Variants in RARS2 observed in about 807,000 individuals in gnomAD.
RARS2 encodes arginyl-tRNA synthetase 2, mitochondrial.
RARS2 carries 67 observed loss-of-function variants against 88.5 expected under a neutral mutation model. The ratio of observed to expected loss-of-function variants is 0.76; its 90% CI spans 0.62 to 0.93. RARS2 has a LOEUF of 0.93. Among genes scored for constraint, RARS2 ranks in the 40% least tolerant of loss-of-function variants. The pLI, the probability that RARS2 is intolerant of heterozygous loss-of-function variation, is 0.00. For synonymous variants in RARS2, 239 were observed against 230.3 expected (o/e 1.04, Z -0.34); for missense variants, 664 against 684.2 (o/e 0.97, Z 0.33).
intron 4 of RARS2, among the ~76,000 whole-genome samples, chr6:87,561,001 T>C (rs1283633076): frequency 6.6e-6 from 1 of 152,368 alleles, no homozygotes; most frequent in Non-Finnish European, 1.5e-5. Flanking sequence ...GTACAGTACA[T>C]AATACTTCAT....
chr6:87,518,070 A>G, intron 17 of RARS2, 99 bp downstream of exon 17: 1 of 1,607,550 alleles, frequency 6.2e-7, no homozygotes, highest in Admixed American at 1.7e-5. Flanking sequence ...TAGAGGCAGA[A>G]GGCAGCTACT....
chr6:87,554,178 G>C (rs556464762), intron 5 of RARS2, among the ~76,000 whole-genome samples: 1 of 152,236 alleles, frequency 6.6e-6, no homozygotes, highest in Non-Finnish European at 1.5e-5. Context: ...AGTCCATCAA[G>C]ACTGTTCTTC....
intron 8 of RARS2, among the ~76,000 whole-genome samples, chr6:87,537,341 G>A (rs1294800321): frequency 1.3e-5 from 2 of 152,196 alleles, no homozygotes; most frequent in African/African-American, 4.8e-5. Context: ...TCTATAGTGG[G>A]GGTGTGGGGA....
At chr6:87,554,466 A>ATT (rs1785194755) in intron 5 of RARS2, among the ~76,000 whole-genome samples, 2 of 152,142 alleles carry the variant, frequency 1.3e-5, no homozygotes, top group Admixed American at 1.3e-4. Context: ...TACTTAAAAA[A>ATT]ATTTTTTTTG....
chr6:87,589,681 G>C, intron 1 of RARS2: 1 of 985,326 alleles, frequency 1.0e-6, no homozygotes, highest in Non-Finnish European at 1.2e-6. Context: ...GTGGGAAGGA[G>C]AGAAGAAAGC....
chr6:87,535,401 T>C (rs1034516700), intron 8 of RARS2, among the ~76,000 whole-genome samples: 6 of 152,192 alleles, frequency 3.9e-5, no homozygotes, highest in African/African-American at 1.4e-4. Context: ...CAAGTAAACA[T>C]TATCACTCAT....
chr6:87,518,511 C>A, intron 16 of RARS2, 119 bp downstream of exon 16: 1 of 1,291,340 alleles, frequency 7.7e-7, no homozygotes, highest in South Asian at 1.3e-5. Flanking sequence ...CTACTCTAGT[C>A]AGATGTGAAT....
intron 12 of RARS2, among the ~76,000 whole-genome samples, chr6:87,521,151 A>C (rs1054285384): frequency 9.2e-5 from 14 of 152,258 alleles, no homozygotes; most frequent in Non-Finnish European, 2.1e-4. Context: ...AAATAAAGTT[A>C]TTTAAAAACA....
intron 3 of RARS2, among the ~76,000 whole-genome samples, chr6:87,563,664 T>A (rs1373725487): frequency 1.3e-5 from 2 of 152,226 alleles, no homozygotes; most frequent in Non-Finnish European, 2.9e-5. Context: ...ATCAAACCCA[T>A]CAGAGAACTT....
At chr6:87,547,058 T>C (rs1323797808) in intron 6 of RARS2, among the ~76,000 whole-genome samples, 1 of 152,186 alleles carries the variant, frequency 6.6e-6, no homozygotes, top group East Asian at 1.9e-4. Context: ...AATTTCTTCA[T>C]CCATAAACCA....
intron 8 of RARS2, among the ~76,000 whole-genome samples, chr6:87,532,855 A>G (rs898829435): frequency 1.3e-5 from 2 of 152,216 alleles, no homozygotes; most frequent in Non-Finnish European, 2.9e-5. Context: ...TAGAAAACAA[A>G]GAAGACTTTG....
chr6:87,539,624 T>G (rs1780277883), intron 8 of RARS2, among the ~76,000 whole-genome samples: 3 of 152,166 alleles, frequency 2.0e-5, no homozygotes, highest in Non-Finnish European at 4.4e-5. Context: ...TCGGGACAAA[T>G]ACAGAATGTG....
intron 7 of RARS2, among the ~76,000 whole-genome samples, chr6:87,542,970 A>T (rs993031447): frequency 1.1e-4 from 14 of 123,352 alleles, no homozygotes; most frequent in South Asian, 6.8e-4. Flanking sequence ...ATAAAATAAT[A>T]AAAAAAAAAA....
intron 4 of RARS2, among the ~76,000 whole-genome samples, chr6:87,556,577 G>C (rs1389292256): frequency 6.6e-6 from 1 of 151,894 alleles, no homozygotes; most frequent in Non-Finnish European, 1.5e-5. Flanking sequence ...ACGAGGTCAG[G>C]AGATTGAGAC....
At chr6:87,521,361 C>T (rs1407176868) in intron 12 of RARS2, 103 bp downstream of exon 12, 2 of 900,582 alleles carry the variant, frequency 2.2e-6, no homozygotes, top group Non-Finnish European at 3.6e-6. Flanking sequence ...TTAATGTTGA[C>T]TTCTCTCTGT....
chr6:87,516,405 TAA>T (rs1771755169), intron 18 of RARS2, among the ~76,000 whole-genome samples: 1 of 152,210 alleles, frequency 6.6e-6, no homozygotes, highest in Non-Finnish European at 1.5e-5. Flanking sequence ...ATGGATCCTT[TAA>T]AATGTATTAT....
chr6:87,553,791 T>C (rs1785023123), intron 5 of RARS2, among the ~76,000 whole-genome samples: 2 of 152,220 alleles, frequency 1.3e-5, no homozygotes, highest in Non-Finnish European at 1.5e-5. Context: ...GCAACAAATA[T>C]TTAAACTCAA....
chr6:87,555,110 A>AATAT (rs1245701871), intron 5 of RARS2, among the ~76,000 whole-genome samples: 1 of 147,156 alleles, frequency 6.8e-6, no homozygotes, highest in East Asian at 1.9e-4. Context: ...AAAATAAATA[A>AATAT]ATAAATAAAT....
At chr6:87,570,985 C>G (rs543913601) in intron 1 of RARS2, among the ~76,000 whole-genome samples, 1 of 152,214 alleles carries the variant, frequency 6.6e-6, no homozygotes, top group East Asian at 1.9e-4. Context: ...CTTAACTTGC[C>G]TAAGTGGAAA....
Sources: gnomAD v4.1 joint callset for allele counts (sites outside exome capture counted in the v4.1 genomes callset) on GRCh38, gnomAD v4.1.1 for gene constraint, MANE v1.5 for transcripts, NCBI Gene and HGNC (gene_info 2026-07-23, HGNC 2026-07-21) for gene names.